The following CBLN2 variants were observed in gnomAD, a reference collection of about 807,000 sequenced individuals.
CBLN2 encodes the protein cerebellin 2 precursor, also known as cerebellin-2.
In CBLN2, 7 loss-of-function variants were observed where a neutral mutation model predicts 15.0. The observed-to-expected ratio is 0.47, with a 90% confidence interval of 0.27 to 0.88. CBLN2 has a LOEUF of 0.88. CBLN2 is among the 40% of genes least tolerant of loss of function. CBLN2 has a pLI of 0.14. For missense variants in CBLN2, 242 were observed against 304.5 expected, an observed-to-expected ratio of 0.79 and a Z score of 1.53; for synonymous variants, 149 against 135.2, an observed-to-expected ratio of 1.10 and a Z score of -0.71.
intron 1 of CBLN2, among the ~76,000 whole-genome samples, chr18:72,603,234 A>G (rs999055011): frequency 6.6e-6 from 1 of 152,212 alleles, no homozygotes; most frequent in Non-Finnish European, 1.5e-5. Flanking sequence ...AACCTTTCTC[A>G]TTTAAATCTC....
chr18:72,571,077 T>C (rs1178530020), intron 1 of CBLN2, among the ~76,000 whole-genome samples: 1 of 152,162 alleles, frequency 6.6e-6, no homozygotes, highest in African/African-American at 2.4e-5. Context: ...CACTATGTTT[T>C]AAGAAAATAG....
intron 1 of CBLN2, among the ~76,000 whole-genome samples, chr18:72,563,508 C>T (rs1445789740): frequency 1.3e-5 from 2 of 152,064 alleles, no homozygotes; most frequent in African/African-American, 4.8e-5. Context: ...ACTTGAGTAT[C>T]TGTACGAGAG....
chr18:72,636,504 T>C (rs1038218826), intron 1 of CBLN2, among the ~76,000 whole-genome samples: 11 of 152,108 alleles, frequency 7.2e-5, no homozygotes, highest in African/African-American at 2.7e-4. Flanking sequence ...CAAATTTGGG[T>C]CATTTCACCA....
Position 72,542,197 on chromosome 18 carries a change from C to T in CBLN2, c.-37G>A, listed in dbSNP as rs1384580439. 6.8e-6 allele frequency: 8 copies of T among 1,179,904 alleles called. No individual in the cohort carries two copies. Among genetic ancestry groups the T allele is most frequent in the Non-Finnish European group, 8.4e-6 (8 of 955,242 alleles). The allele number at this position is 1,179,904 out of a possible 1,614,324, so 73.1% of individuals were successfully genotyped here. A position where few individuals can be genotyped will look rare whatever the true frequency, so the allele number is the denominator to read the frequency against. Reference sequence around the variant, plus strand: ...GGAGGCGGCGCGCGGGGGTGGAGGCCGGCGCCGGCGCGAGCGGCGCGGAAG... The same window carrying T: ...GGAGGCGGCGCGCGGGGGTGGAGGCTGGCGCCGGCGCGAGCGGCGCGGAAG... On this transcript the variant is annotated 5_prime_UTR_variant, in exon 3 of 5. Transcript: ENST00000269503.
intron 1 of CBLN2, among the ~76,000 whole-genome samples, chr18:72,575,552 A>G (rs1055704241): frequency 1.1e-4 from 17 of 152,072 alleles, no homozygotes; most frequent in African/African-American, 3.9e-4. Context: ...AGGGAGGTCC[A>G]TTTCTCCAGG....
intron 1 of CBLN2, among the ~76,000 whole-genome samples, chr18:72,600,858 C>T (rs1477978762): frequency 2.0e-5 from 3 of 152,088 alleles, no homozygotes; most frequent in South Asian, 2.1e-4. Flanking sequence ...AAACAGTTCT[C>T]GTGTGCTGAG....
At chr18:72,567,827 G>T (rs1033897996) in intron 1 of CBLN2, among the ~76,000 whole-genome samples, 2 of 152,044 alleles carry the variant, frequency 1.3e-5, no homozygotes, top group Non-Finnish European at 2.9e-5. Context: ...AGATCAAAAG[G>T]CCTTTCTTGT....
intron 1 of CBLN2, among the ~76,000 whole-genome samples, chr18:72,578,237 T>C (rs1433126589): frequency 6.6e-6 from 1 of 152,232 alleles, no homozygotes; most frequent in Non-Finnish European, 1.5e-5. Flanking sequence ...AGTGTTACCA[T>C]TTTAACAATT....
intron 1 of CBLN2, among the ~76,000 whole-genome samples, chr18:72,606,724 G>T (rs1459901181): frequency 6.6e-6 from 1 of 152,216 alleles, no homozygotes; most frequent in Non-Finnish European, 1.5e-5. Flanking sequence ...TACCAGCTCG[G>T]CCAGGAGTGT....
intron 1 of CBLN2, among the ~76,000 whole-genome samples, chr18:72,569,813 TC>T (rs2069319497): frequency 6.6e-6 from 1 of 151,858 alleles, no homozygotes; most frequent in Non-Finnish European, 1.5e-5. Flanking sequence ...TCTACATACC[TC>T]CCACCAGGCC....
intron 1 of CBLN2, among the ~76,000 whole-genome samples, chr18:72,551,030 A>G (rs1009245303): frequency 2.6e-5 from 4 of 151,996 alleles, no homozygotes; most frequent in Non-Finnish European, 4.4e-5. Flanking sequence ...TGTCTTTCAC[A>G]CCCATAAACT....
At chr18:72,618,946 T>C (rs764573647) in intron 1 of CBLN2, 2 of 748,122 alleles carry the variant, frequency 2.7e-6, no homozygotes, top group Non-Finnish European at 4.8e-6. Flanking sequence ...TCATGGTGGC[T>C]TTGGTGGCAG....
intron 1 of CBLN2, among the ~76,000 whole-genome samples, chr18:72,553,276 C>A (rs561751266): frequency 6.6e-6 from 1 of 152,100 alleles, no homozygotes. Flanking sequence ...GGAAATACAA[C>A]GACAAGTGCA....
chr18:72,625,725 T>TATATAC (rs1331209741), intron 1 of CBLN2, among the ~76,000 whole-genome samples: 15 of 78,690 alleles, frequency 1.9e-4, no homozygotes, highest in African/African-American at 1.2e-3. Context: ...TATATATATA[T>TATATAC]ACACACTCTT....
Position 72,542,233 on chromosome 18 carries a change from A to C in CBLN2, c.-73T>G, listed in dbSNP as rs1301318858. 2 of 1,039,486 alleles carry C rather than the reference A, an allele frequency of 1.9e-6. No individual in the cohort carries two copies. The highest frequency in any genetic ancestry group is 2.4e-6 in the Non-Finnish European group (2 of 833,542). 64.4% of individuals were successfully genotyped at this position (1,039,486 alleles called of 1,614,324 possible). Reference sequence around the variant, plus strand: ...CGAGCGGCGCGGAAGGGCGCGAAGGAACGCGCGGAGCTCGCAGCAGCCTCC... The same window carrying C: ...CGAGCGGCGCGGAAGGGCGCGAAGGCACGCGCGGAGCTCGCAGCAGCCTCC... On this transcript the variant is annotated 5_prime_UTR_variant, in exon 3 of 5. Coordinates refer to ENST00000269503, the MANE Select transcript of CBLN2 (RefSeq NM_182511.4).
At chr18:72,579,586 G>T (rs1379124639) in intron 1 of CBLN2, among the ~76,000 whole-genome samples, 1 of 152,020 alleles carries the variant, frequency 6.6e-6, no homozygotes, top group Non-Finnish European at 1.5e-5. Flanking sequence ...ACAAAAATTA[G>T]TTGGGTGTGG....
chr18:72,596,288 A>C (rs1419262898), intron 1 of CBLN2, among the ~76,000 whole-genome samples: 2 of 150,970 alleles, frequency 1.3e-5, no homozygotes, highest in Non-Finnish European at 3.0e-5. Context: ...ATTAATAAAA[A>C]CTCTGTTTTT....
chr18:72,547,130 AC>A, upstream of CBLN2, among the ~76,000 whole-genome samples: 1 of 152,092 alleles, frequency 6.6e-6, no homozygotes, highest in Non-Finnish European at 1.5e-5. Flanking sequence ...ACACACACAC[AC>A]ACACACACAC....
Position 72,542,171 on chromosome 18 carries a change from G to A in CBLN2, c.-11C>T, listed in dbSNP as rs2069119756. 2.5e-6 allele frequency: 3 copies of A among 1,220,206 alleles called. No homozygotes were observed. The highest frequency in any genetic ancestry group is 8.7e-5 in the Admixed American group (2 of 23,012). The allele number at this position is 1,220,206 out of a possible 1,614,324, so 75.6% of individuals were successfully genotyped here. A position where few individuals can be genotyped will look rare whatever the true frequency, so the allele number is the denominator to read the frequency against. The stretch of plus-strand genomic sequence containing the variant: ...GCCGGGCGCCTGCATCGGGACTGGT[G>A]GGAGGCGGCGCGCGGGGGTGGAGGC... On this transcript the variant is annotated 5_prime_UTR_variant, in exon 3 of 5. Coordinates refer to ENST00000269503, the MANE Select transcript of CBLN2 (RefSeq NM_182511.4).
Sources: allele counts gnomAD v4.1 joint callset (sites outside exome capture counted in the v4.1 genomes callset), GRCh38; gene constraint gnomAD v4.1.1; transcripts MANE v1.5; gene names NCBI Gene and HGNC (gene_info 2026-07-23, HGNC 2026-07-21).